NAALADL2: variants seen among roughly 807,000 people sequenced by gnomAD.
The protein encoded by NAALADL2 is N-acetylated alpha-linked acidic dipeptidase like 2.
NAALADL2 carries 76 observed loss-of-function variants against 87.2 expected under a neutral mutation model. The observed-to-expected ratio is 0.87, with a 90% CI of 0.72 to 1.05. The LOEUF is 1.05. Ranked by LOEUF, NAALADL2 falls within the 50% of genes least tolerant of loss-of-function variation. The pLI is 0.00. For missense variants in NAALADL2, 1,089 were observed against 945.8 expected (o/e 1.15, Z -1.99); for synonymous variants, 354 against 331.0 (o/e 1.07, Z -0.75).
intron 11 of NAALADL2, chr3:175,718,219 T>TTG: frequency 2.0e-6 from 2 of 996,158 alleles, no homozygotes; most frequent in Non-Finnish European, 2.9e-6. Context: ...TTTTTTTTTT[T>TTG]TTTTGATTAG....
chr3:175,612,009 A>G (rs1305186622), intron 10 of NAALADL2, among the ~76,000 whole-genome samples: 1 of 152,216 alleles, frequency 6.6e-6, no homozygotes, highest in African/African-American at 2.4e-5. Flanking sequence ...CATTGCCCTA[A>G]ATTACAGATA....
chr3:174,535,149 C>T (rs56793525), intron 1 of NAALADL2, among the ~76,000 whole-genome samples: 2,333 of 152,194 alleles, frequency 0.015, 59 homozygotes, highest in African/African-American at 0.054. Context: ...TGAAAATTAA[C>T]CATTGACTAG....
Position 175,013,301 on chromosome 3 carries a change from A to ATATTT in NAALADL2, c.44-83488_44-83487insATTTT, listed in dbSNP as rs1553916905. Among the ~76,000 whole-genome samples, 21 of 72,070 alleles carry ATATTT rather than the reference A, an allele frequency of 2.9e-4. 1 individual carries two copies. The highest frequency in any genetic ancestry group is 1.0e-3 in the African/African-American group (18 of 17,146). 47.3% of individuals were successfully genotyped at this position (72,070 alleles called of 152,430 possible). ...TACATATATATATATATATATATAT[A>ATATTT]TTTTTTTTTTTTTTTGAGACAGGGT... On this transcript the variant is annotated intron_variant, in intron 1 of 13. Transcript: ENST00000454872.
chr3:175,319,970 C>T (rs1045302797), intron 4 of NAALADL2, among the ~76,000 whole-genome samples: 1 of 152,170 alleles, frequency 6.6e-6, no homozygotes, highest in Non-Finnish European at 1.5e-5. Flanking sequence ...AATGGTGCTG[C>T]CTTGCTTACT....
rs1754416698 is a variant in NAALADL2, at chr3:175,803,303, G to A, written c.*100G>A. 1.4e-5 allele frequency: 10 copies of A among 713,556 alleles called. No individual in the cohort carries two copies. The South Asian group carries it at 2.2e-4, about 16-fold the overall frequency. 44.2% of individuals were successfully genotyped at this position (713,556 alleles called of 1,614,324 possible). A position where few individuals can be genotyped will look rare whatever the true frequency, so the allele number is the denominator to read the frequency against. ...CATTGAAGGCTTATTTTCCCCAATG[G>A]CTTTTTGACAAGTATAAAGCTATTA... is the stretch of plus-strand genomic sequence containing the variant. On this transcript the variant is annotated 3_prime_UTR_variant, in exon 14 of 14. Coordinates refer to ENST00000454872, the MANE Select transcript of NAALADL2 (RefSeq NM_207015.3).
At chr3:174,945,023 T>C (rs1739192389) in intron 1 of NAALADL2, among the ~76,000 whole-genome samples, 1 of 152,146 alleles carries the variant, frequency 6.6e-6, no homozygotes. Context: ...GGCAGCACAC[T>C]AGCTGCTTCT....
chr3:174,452,627 C>T (rs1394178394), intron 1 of NAALADL2, among the ~76,000 whole-genome samples: 1 of 152,076 alleles, frequency 6.6e-6, no homozygotes, highest in African/African-American at 2.4e-5. Context: ...GATACAAGTT[C>T]CCCAGAGTTA....
intron 4 of NAALADL2, among the ~76,000 whole-genome samples, chr3:175,273,311 G>T (rs1364890913): frequency 6.6e-6 from 1 of 152,026 alleles, no homozygotes; most frequent in Non-Finnish European, 1.5e-5. Context: ...ATGACAAATT[G>T]ACCTTCCTTA....
intron 11 of NAALADL2, among the ~76,000 whole-genome samples, chr3:175,684,785 A>G (rs958845404): frequency 1.3e-5 from 2 of 152,158 alleles, no homozygotes; most frequent in Non-Finnish European, 2.9e-5. Flanking sequence ...CCTGGGTGGC[A>G]GACATAGGAA....
chr3:175,160,418 CTGGAGTGCTCCGCA>C (rs1733013360), intron 2 of NAALADL2, among the ~76,000 whole-genome samples: 1 of 90,432 alleles, frequency 1.1e-5, no homozygotes, highest in African/African-American at 5.5e-5. Flanking sequence ...GTTGCCCAGG[CTGGAGTGCTCCGCA>C]ACCTCCACCT....
At chr3:174,810,499 T>C (rs35570653) in intron 3 of NAALADL2, among the ~76,000 whole-genome samples, 28,200 of 151,438 alleles carry the variant, frequency 0.19, 2,927 homozygotes, top group East Asian at 0.35. Flanking sequence ...ACTTTGAACT[T>C]GAGAACAACC....
At chr3:175,073,230 G>C (rs1261499944) in intron 1 of NAALADL2, among the ~76,000 whole-genome samples, 1 of 152,058 alleles carries the variant, frequency 6.6e-6, no homozygotes, top group African/African-American at 2.4e-5. Flanking sequence ...GCTAATATCA[G>C]ATTTGTTTGT....
At chr3:175,048,882 A>G (rs1383766950) in intron 1 of NAALADL2, among the ~76,000 whole-genome samples, 1 of 152,128 alleles carries the variant, frequency 6.6e-6, no homozygotes, top group Non-Finnish European at 1.5e-5. Context: ...GTGGCCTGAA[A>G]GCTGCATAGG....
chr3:175,493,631 C>T (rs570394921), intron 9 of NAALADL2, among the ~76,000 whole-genome samples: 195 of 152,188 alleles, frequency 1.3e-3, no homozygotes, highest in African/African-American at 4.4e-3. Flanking sequence ...CAGCTCAAGG[C>T]AACTTAACTT....
intron 5 of NAALADL2, among the ~76,000 whole-genome samples, chr3:175,441,679 A>T (rs1719792457): frequency 7.1e-6 from 1 of 140,474 alleles, no homozygotes; most frequent in South Asian, 2.2e-4. Context: ...GTTCACACAC[A>T]CACACACACA....
chr3:175,347,163 T>C (rs954324823), intron 5 of NAALADL2, among the ~76,000 whole-genome samples: 9 of 152,186 alleles, frequency 5.9e-5, no homozygotes, highest in African/African-American at 2.2e-4. Flanking sequence ...CTTGTTAAGC[T>C]ACCCTCAGCA....
chr3:175,732,011 G>T (rs1426369186), intron 11 of NAALADL2, among the ~76,000 whole-genome samples: 1 of 151,830 alleles, frequency 6.6e-6, no homozygotes, highest in African/African-American at 2.4e-5. Context: ...TTTATATTTT[G>T]GTGTTTCTTG....
chr3:175,207,880 A>G lies in NAALADL2; in HGVS notation c.546-26051A>G, dbSNP rs190060670. ...AAATAAAAGGAGTGGACTTTGCTGT[A>G]GAGGAAAAAGAAACTGATTAGGCCA... On this transcript the variant is annotated intron_variant, in intron 2 of 13. Coordinates refer to ENST00000454872, the MANE Select transcript of NAALADL2 (RefSeq NM_207015.3). Among the ~76,000 whole-genome samples, 5 of 152,278 alleles carry G rather than the reference A, an allele frequency of 3.3e-5. No homozygotes were observed. In the East Asian group the frequency reaches 9.6e-4, roughly 29 times the overall value.
At chr3:175,112,076 T>G (rs1724283856) in intron 2 of NAALADL2, among the ~76,000 whole-genome samples, 1 of 151,646 alleles carries the variant, frequency 6.6e-6, no homozygotes, top group African/African-American at 2.4e-5. Flanking sequence ...AAGGTTTAGA[T>G]GAGAACCTGA....
Sources: allele counts gnomAD v4.1 joint callset (sites outside exome capture counted in the v4.1 genomes callset), GRCh38; gene constraint gnomAD v4.1.1; transcripts MANE v1.5; gene names NCBI Gene and HGNC (gene_info 2026-07-23, HGNC 2026-07-21).